Variants in CEP78 observed in about 807,000 individuals in gnomAD.
CEP78 encodes the protein centrosomal protein 78, also known as centrosomal protein of 78 kDa.
CEP78 carries 76 observed loss-of-function variants against 81.2 expected under a neutral mutation model. The observed-to-expected ratio is 0.94, with a 90% CI of 0.78 to 1.13. The LOEUF (loss-of-function observed/expected upper bound fraction) is 1.13, where lower values mean the gene tolerates loss of function less well. Among genes scored for constraint, CEP78 ranks in the 50% most tolerant of loss-of-function variants. CEP78 has a pLI of 0.00. For missense variants in CEP78, 918 were observed against 846.8 expected (o/e 1.08, Z -1.04); for synonymous variants, 293 against 301.4 (o/e 0.97, Z 0.29).
chr9:78,240,575 C>G (rs1563976973), intron 3 of CEP78, among the ~76,000 whole-genome samples: 2 of 152,188 alleles, frequency 1.3e-5, no homozygotes, highest in Admixed American at 6.5e-5. Context: ...CCACAGACCA[C>G]ACAAATATAT....
intron 5 of CEP78, among the ~76,000 whole-genome samples, chr9:78,245,241 T>A (rs1281636978): frequency 6.6e-6 from 1 of 152,046 alleles, no homozygotes; most frequent in Non-Finnish European, 1.5e-5. Context: ...AGAATTATAT[T>A]CTGGGTGGCT....
chr9:78,253,154 T>A, intron 9 of CEP78, 78 bp from the exon 10 acceptor site: 1 of 726,084 alleles, frequency 1.4e-6, no homozygotes, highest in South Asian at 1.5e-5. Context: ...TACATAATAC[T>A]AGCAAGTGTT....
At chr9:78,268,480 C>T (rs1827617300) in intron 16 of CEP78, among the ~76,000 whole-genome samples, 1 of 152,118 alleles carries the variant, frequency 6.6e-6, no homozygotes, top group South Asian at 2.1e-4. Flanking sequence ...AAGTTATATG[C>T]TCAGGCTTGC....
chr9:78,241,896 A>G lies in CEP78; in HGVS notation c.603+97A>G, dbSNP rs188803718. 857 of 647,486 alleles carry G rather than the reference A, an allele frequency of 1.3e-3. 2 individuals carry two copies. The highest frequency in any genetic ancestry group is 1.9e-3 in the Non-Finnish European group (709 of 378,150). The allele number at this position is 647,486 out of a possible 1,614,324, so 40.1% of individuals were successfully genotyped here. A position where few individuals can be genotyped will look rare whatever the true frequency, so the allele number is the denominator to read the frequency against. ...AGCAGTTATTTTTGTCTTTTGATAC[A>G]TATGGGCATTGCAGTTTTAGTTTTG... On this transcript the variant is annotated intron_variant, in intron 4 of 16. Coordinates refer to ENST00000643273, the MANE Select transcript of CEP78 (RefSeq NM_001330691.3).
At position 78,271,438 on chromosome 9, in the gene CEP78, T is replaced by C. The variant is rs1350807440; in HGVS notation, c.*587T>C. 6.6e-6 allele frequency: 1 copy of C among 152,176 alleles called. No individual in the cohort carries two copies. The highest frequency in any genetic ancestry group is 1.5e-5 in the Non-Finnish European group (1 of 68,022). 9.4% of individuals were successfully genotyped at this position (152,176 alleles called of 1,614,324 possible). A position where few individuals can be genotyped will look rare whatever the true frequency, so the allele number is the denominator to read the frequency against. On this transcript the variant is annotated 3_prime_UTR_variant, in exon 17 of 17. Transcript: ENST00000643273. ...ATGAATCAAAATCTTCAGCAATTCA[T>C]AAAGATACTGTGTTCATAAAGAATA... is the stretch of plus-strand genomic sequence containing the variant.
rs1328895798 is a variant in CEP78 at position 78,243,565 on chromosome 9, G to A, written c.707G>A (p.Cys236Tyr). The change falls in exon 5 of 17, where the codon TGC becomes TAC. Residue 236 changes from cysteine (C) to tyrosine (Y), a missense_variant. Cys to Tyr is a radical substitution (Grantham distance 194, BLOSUM62 -2). Transcript: ENST00000643273. ...GGCTTAAGACGTATCACACTGAATT[G>A]CAACACACTTATTGGTGACCTAGGT... ...MAGLRRITLN[C>Y]NTLIGDLGAC... 1.9e-6 allele frequency: 3 copies of A among 1,613,698 alleles called. No homozygotes were observed. Among genetic ancestry groups the A allele is most frequent in the Admixed American group, 3.3e-5 (2 of 59,990 alleles).
chr9:78,239,356 G>A (rs976777306), intron 1 of CEP78, among the ~76,000 whole-genome samples: 11 of 152,160 alleles, frequency 7.2e-5, no homozygotes, highest in Admixed American at 7.2e-4. Flanking sequence ...GCTTAAAGTG[G>A]CATGCCCACG....
chr9:78,238,201 G>T (rs1280295827), intron 1 of CEP78, among the ~76,000 whole-genome samples: 2 of 152,120 alleles, frequency 1.3e-5, no homozygotes, highest in Non-Finnish European at 2.9e-5. Flanking sequence ...TTAGAAGAGG[G>T]GGGCAGCAAG....
chr9:78,267,308 CAG>C (rs1344786903), intron 16 of CEP78, among the ~76,000 whole-genome samples: 1 of 151,976 alleles, frequency 6.6e-6, no homozygotes, highest in Admixed American at 6.6e-5. Flanking sequence ...AGGGAGAAAA[CAG>C]AACAACAAAG....
intron 16 of CEP78, 54 bp downstream of exon 16, chr9:78,266,757 TC>T: frequency 6.3e-7 from 1 of 1,599,016 alleles, no homozygotes; most frequent in South Asian, 1.1e-5. Flanking sequence ...GGACCTGCAT[TC>T]CTGATCTGAC....
chr9:78,255,077 T>C, intron 11 of CEP78, 113 bp downstream of exon 11: 1 of 796,272 alleles, frequency 1.3e-6, no homozygotes, highest in South Asian at 1.8e-5. Flanking sequence ...TGTTTTCGCC[T>C]TCCTTCTATC....
At chr9:78,236,969 C>CTTTCTTTTTTTT (rs1825975601) in intron 1 of CEP78, among the ~76,000 whole-genome samples, 1 of 62,090 alleles carries the variant, frequency 1.6e-5, no homozygotes, top group African/African-American at 6.2e-5. Context: ...CAGCCTTTGT[C>CTTTCTTTTTTTT]TTTTTTTTTT....
chr9:78,257,924 T>C (rs925308301), intron 11 of CEP78, among the ~76,000 whole-genome samples: 1 of 152,208 alleles, frequency 6.6e-6, no homozygotes, highest in Non-Finnish European at 1.5e-5. Context: ...ACAAGGGCTG[T>C]GGCACTGAAA....
chr9:78,259,256 T>C (rs2118401221), intron 11 of CEP78, among the ~76,000 whole-genome samples: 1 of 152,210 alleles, frequency 6.6e-6, no homozygotes, highest in South Asian at 2.1e-4. Flanking sequence ...AAGTTAGAAG[T>C]AGGCAAAACT....
intron 16 of CEP78, chr9:78,267,104 G>A: frequency 2.9e-6 from 3 of 1,032,926 alleles, no homozygotes; most frequent in Non-Finnish European, 1.3e-6. Flanking sequence ...AGGATTGGAA[G>A]CCACTAAAGG....
At chr9:78,269,960 G>T (rs1244163173) in intron 16 of CEP78, among the ~76,000 whole-genome samples, 2 of 152,198 alleles carry the variant, frequency 1.3e-5, no homozygotes, top group East Asian at 3.8e-4. Flanking sequence ...GAACAGATGG[G>T]GATGTACATA....
chr9:78,278,660 C>T lies in CEP78; in HGVS notation c.*7809C>T, dbSNP rs1827850659. Reference sequence around the variant, plus strand: ...TGTTTCAAACATCTGCTCTGTTTACCCCTGACAAAACTGCTACTCGTGGGG... The same window carrying T: ...TGTTTCAAACATCTGCTCTGTTTACTCCTGACAAAACTGCTACTCGTGGGG... On this transcript the variant is annotated 3_prime_UTR_variant, in exon 17 of 17. Coordinates refer to ENST00000643273, the MANE Select transcript of CEP78 (RefSeq NM_001330691.3). 1 of 152,134 alleles carries T rather than the reference C, an allele frequency of 6.6e-6. No homozygotes were observed. The highest frequency in any genetic ancestry group is 2.1e-4 in the South Asian group (1 of 4,826). The allele number at this position is 152,134 out of a possible 1,614,324, so 9.4% of individuals were successfully genotyped here.
At chr9:78,262,080 C>A (rs189572443) in intron 11 of CEP78, among the ~76,000 whole-genome samples, 6 of 152,118 alleles carry the variant, frequency 3.9e-5, no homozygotes, top group Non-Finnish European at 7.4e-5. Flanking sequence ...TCTTCCACAT[C>A]AGAGAATCTT....
In CEP78 at chr9:78,252,003, T is replaced by G. The variant is rs764314735; in HGVS notation, c.1165T>G (p.Phe389Val). 1 of 1,605,662 alleles carries G rather than the reference T, an allele frequency of 6.2e-7. No homozygotes were observed. Among genetic ancestry groups the G allele is most frequent in the South Asian group, 1.1e-5 (1 of 90,054 alleles). Residue 389 changes from phenylalanine to valine, a missense_variant, in exon 9 of 17, where the codon TTC becomes GTC. Physicochemically the swap from Phe to Val is conservative, Grantham distance 50. Coordinates refer to ENST00000643273, the MANE Select transcript of CEP78 (RefSeq NM_001330691.3). Reference protein sequence around the residue: ...PAPLPPGVSGFLPWRTAERAK... With the variant: ...PAPLPPGVSGVLPWRTAERAK... ...ACCTCTTCCACCTGGTGTGTCTGGT[T>G]TCTTGCCGTGGCGTACTGCAGAACG...
Sources: allele counts gnomAD v4.1 joint callset (sites outside exome capture counted in the v4.1 genomes callset), GRCh38; gene constraint gnomAD v4.1.1; transcripts MANE v1.5; gene names NCBI Gene and HGNC (gene_info 2026-07-23, HGNC 2026-07-21).